JAKMIP2: variants seen among roughly 807,000 people sequenced by gnomAD.
The protein encoded by JAKMIP2 is janus kinase and microtubule-interacting protein 2.
JAKMIP2 carries 25 observed loss-of-function variants against 115.0 expected under a neutral mutation model. The observed-to-expected ratio is 0.22, with a 90% CI of 0.16 to 0.30. JAKMIP2 has a LOEUF of 0.30. Ranked by LOEUF, JAKMIP2 falls within the 10% of genes least tolerant of loss-of-function variation. JAKMIP2 has a pLI of 1.00. For missense variants in JAKMIP2, 642 were observed against 957.6 expected, an observed-to-expected ratio of 0.67 and a Z score of 4.35; for synonymous variants, 334 against 343.6, an observed-to-expected ratio of 0.97 and a Z score of 0.31.
chr5:147,767,174 T>C (rs1178639923), intron 1 of JAKMIP2, among the ~76,000 whole-genome samples: 3 of 152,154 alleles, frequency 2.0e-5, no homozygotes, highest in Non-Finnish European at 2.9e-5. Context: ...AATGGCAACA[T>C]TGTGTGTGCA....
At chr5:147,740,753 T>G (rs1218625034) in intron 1 of JAKMIP2, among the ~76,000 whole-genome samples, 4 of 152,192 alleles carry the variant, frequency 2.6e-5, no homozygotes, top group African/African-American at 9.7e-5. Flanking sequence ...GCATAGTGAT[T>G]GGCACTTAGT....
At position 147,739,996 on chromosome 5, in the gene JAKMIP2, C is replaced by T. The variant is rs139569436; in HGVS notation, c.-149+42460G>A. Among the ~76,000 whole-genome samples, 592 of 152,316 alleles carry T rather than the reference C, an allele frequency of 3.9e-3. 2 individuals carry two copies. The highest frequency in any genetic ancestry group is 6.0e-3 in the Non-Finnish European group (406 of 68,034). ...AAATAAAGGGTTTTGGTTCATGTTC[C>T]ATGAGCTGAATTTATTCAAAGTACA... On this transcript the variant is annotated intron_variant, in intron 1 of 21. Coordinates refer to ENST00000616793, the MANE Select transcript of JAKMIP2 (RefSeq NM_001270941.2).
intron 1 of JAKMIP2, among the ~76,000 whole-genome samples, chr5:147,693,792 AAATCTTATGTT>A (rs1241211530): frequency 1.3e-5 from 2 of 152,312 alleles, no homozygotes; most frequent in East Asian, 3.9e-4. Context: ...ACGACTGTTA[AAATCTTATGTT>A]AACTGAATGG....
At chr5:147,774,669 G>A (rs149871668) in intron 1 of JAKMIP2, among the ~76,000 whole-genome samples, 39 of 152,200 alleles carry the variant, frequency 2.6e-4, no homozygotes, top group African/African-American at 8.7e-4. Context: ...TTAAATATAC[G>A]TCAGTGATGA....
intron 1 of JAKMIP2, among the ~76,000 whole-genome samples, chr5:147,779,331 AT>A (rs1202960574): frequency 1.3e-5 from 2 of 152,126 alleles, no homozygotes; most frequent in East Asian, 3.8e-4. Context: ...CATGAATGAC[AT>A]TTTTAAGATA....
intron 20 of JAKMIP2, among the ~76,000 whole-genome samples, chr5:147,604,664 A>G (rs374982879): frequency 1.3e-5 from 2 of 152,122 alleles, no homozygotes; most frequent in Non-Finnish European, 2.9e-5. Context: ...CTATTATAAA[A>G]CAGCCATAAC....
rs149756941 is a variant in JAKMIP2 at position 147,764,847 on chromosome 5, C to G, written c.-149+17609G>C. 6.4e-3 allele frequency among the ~76,000 whole-genome samples: 941 copies of G among 146,748 alleles called. 12 individuals are homozygous for G. The highest frequency in any genetic ancestry group is 0.022 in the African/African-American group (868 of 38,760). ...GTTGCAGTGAGCCAAGATCATGCCA[C>G]TGCACTCCAGGCTGGTGACAGAGTG... On this transcript the variant is annotated intron_variant, in intron 1 of 21. Coordinates refer to ENST00000616793, the MANE Select transcript of JAKMIP2 (RefSeq NM_001270941.2).
At chr5:147,618,146 G>A (rs1756673577) in intron 18 of JAKMIP2, 32 bp from the exon 19 acceptor site, 1 of 1,550,106 alleles carries the variant, frequency 6.5e-7, no homozygotes, top group Non-Finnish European at 8.9e-7. Context: ...GTCTAACTTT[G>A]GAACTTGGCA....
At chr5:147,662,032 CTCTTT>C (rs142540727) in intron 2 of JAKMIP2, 10,650 of 151,080 alleles carry the variant, frequency 0.07, 538 homozygotes, top group East Asian at 0.21. Flanking sequence ...ATCCGTCTCC[CTCTTT>C]TCTTTTCTTT....
intron 14 of JAKMIP2, among the ~76,000 whole-genome samples, chr5:147,630,699 G>A (rs1334903023): frequency 6.6e-6 from 1 of 152,112 alleles, no homozygotes; most frequent in East Asian, 1.9e-4. Flanking sequence ...GCTCAGAGTG[G>A]GAGCAGGAAG....
intron 1 of JAKMIP2, among the ~76,000 whole-genome samples, chr5:147,717,318 TG>T (rs1460383699): frequency 4.9e-4 from 72 of 145,720 alleles, no homozygotes; most frequent in African/African-American, 1.7e-3. Context: ...AGGATTGACT[TG>T]GCAATGCGGG....
chr5:147,683,656 G>A (rs1159200730), intron 1 of JAKMIP2, among the ~76,000 whole-genome samples: 1 of 152,046 alleles, frequency 6.6e-6, no homozygotes, highest in Admixed American at 6.5e-5. Context: ...AACCTATTCT[G>A]TTGTTTCCTT....
rs1407141620 is a variant in JAKMIP2, at chr5:147,601,617, C to G, written c.*20+124G>C. The G allele has an allele frequency of 2.4e-5, 8 of 334,856 alleles. No individual in the cohort carries two copies. In the African/African-American group the frequency reaches 4.4e-4, roughly 18 times the overall value. 20.7% of individuals were successfully genotyped at this position (334,856 alleles called of 1,614,324 possible). On this transcript the variant is annotated intron_variant, in intron 21 of 21. Transcript: ENST00000616793. ...GACTCTGTCTCAAAACAAAACAAAA[C>G]AAAACAAAACAAAACAAAACAAAAC...
Position 147,671,919 on chromosome 5 carries a change from C to T in JAKMIP2, c.-113G>A. 7.4e-7 allele frequency: 1 copy of T among 1,350,684 alleles called. No individual in the cohort carries two copies. Among genetic ancestry groups the T allele is most frequent in the East Asian group, 2.8e-5 (1 of 35,992 alleles). The allele number at this position is 1,350,684 out of a possible 1,614,324, so 83.7% of individuals were successfully genotyped here. ...TCTCAGCATCTACTGTGTGGTGCTC[C>T]TTGGTAAGGTCTCCTCAATCGCTGC... On this transcript the variant is annotated 5_prime_UTR_variant, in exon 2 of 22. Transcript: ENST00000616793.
intron 1 of JAKMIP2, among the ~76,000 whole-genome samples, chr5:147,705,455 T>C (rs1473078331): frequency 1.3e-5 from 2 of 151,780 alleles, no homozygotes; most frequent in Non-Finnish European, 2.9e-5. Flanking sequence ...ATACAAAAAT[T>C]AGCCGAGAAT....
chr5:147,642,251 C>T (rs1464692074), intron 7 of JAKMIP2, among the ~76,000 whole-genome samples: 1 of 152,110 alleles, frequency 6.6e-6, no homozygotes, highest in African/African-American at 2.4e-5. Context: ...GAAAATAGGA[C>T]AGGGAACAGA....
At chr5:147,630,713 C>T (rs1411654571) in intron 14 of JAKMIP2, among the ~76,000 whole-genome samples, 1 of 152,054 alleles carries the variant, frequency 6.6e-6, no homozygotes, top group Non-Finnish European at 1.5e-5. Flanking sequence ...CAGGAAGGGC[C>T]ATGCAGAAGG....
chr5:147,671,023 T>C (rs1053814342), intron 2 of JAKMIP2, among the ~76,000 whole-genome samples: 1 of 152,204 alleles, frequency 6.6e-6, no homozygotes, highest in Non-Finnish European at 1.5e-5. Flanking sequence ...TGTGGTCAGA[T>C]GCTTGATGGT....
intron 1 of JAKMIP2, among the ~76,000 whole-genome samples, chr5:147,711,995 T>C (rs977526827): frequency 4.6e-5 from 7 of 152,250 alleles, no homozygotes; most frequent in Non-Finnish European, 1.0e-4. Context: ...TCTTTATCAA[T>C]TATACAACTT....
Sources: allele counts gnomAD v4.1 joint callset (sites outside exome capture counted in the v4.1 genomes callset), GRCh38; gene constraint gnomAD v4.1.1; transcripts MANE v1.5; gene names NCBI Gene and HGNC (gene_info 2026-07-23, HGNC 2026-07-21).